The following TBC1D8 variants were observed in gnomAD, a reference collection of about 807,000 sequenced individuals.
TBC1D8 encodes TBC1 domain family member 8.
In TBC1D8, 65 loss-of-function variants were observed where a neutral mutation model predicts 118.8. That is an observed-to-expected ratio of 0.55 (90% confidence interval 0.45 to 0.67). TBC1D8 has a LOEUF of 0.67. TBC1D8 is among the 30% of genes least tolerant of loss of function. The probability of loss-of-function intolerance (pLI) is 0.00; values close to 1 mark genes in which losing one functional copy is unlikely to be tolerated. For synonymous variants in TBC1D8, 566 were observed against 595.8 expected (o/e 0.95, Z 0.73); for missense variants, 1,376 against 1,471.2 (o/e 0.94, Z 1.06).
intron 1 of TBC1D8, among the ~76,000 whole-genome samples, chr2:101,144,381 T>G (rs78560904): frequency 1.3e-5 from 2 of 152,188 alleles, no homozygotes; most frequent in East Asian, 3.9e-4. Context: ...TTCACAAGAA[T>G]TAGCCAGATG....
chr2:101,041,315 A>C (rs1681371992), intron 5 of TBC1D8, among the ~76,000 whole-genome samples: 1 of 152,230 alleles, frequency 6.6e-6, no homozygotes, highest in Non-Finnish European at 1.5e-5. Context: ...GATAAACAAA[A>C]TGTAGTGTAT....
Position 101,033,759 on chromosome 2 carries a change from C to G in TBC1D8, c.1604-1G>C. The G allele has an allele frequency of 6.2e-7, 1 of 1,610,750 alleles. No homozygotes were observed. The highest frequency in any genetic ancestry group is 8.5e-7 in the Non-Finnish European group (1 of 1,177,288). ...TGTGAGGCAAGATCCGTCACCGCATCTGAGTTTTAAAAGCAATGTTTCAAG... is the reference window on the plus strand; with the variant it reads ...TGTGAGGCAAGATCCGTCACCGCATGTGAGTTTTAAAAGCAATGTTTCAAG... On this transcript the variant is annotated splice_acceptor_variant, in intron 9 of 19. Coordinates refer to ENST00000409318, the MANE Select transcript of TBC1D8 (RefSeq NM_001330348.2). LOFTEE classifies it high-confidence loss of function.
intron 2 of TBC1D8, among the ~76,000 whole-genome samples, chr2:101,062,323 G>A (rs1682798908): frequency 1.3e-5 from 2 of 151,696 alleles, no homozygotes; most frequent in Admixed American, 1.3e-4. Flanking sequence ...AAAAACAAGT[G>A]AAGAATAAGC....
chr2:101,071,084 A>C (rs914711532), intron 2 of TBC1D8, among the ~76,000 whole-genome samples: 2 of 152,156 alleles, frequency 1.3e-5, no homozygotes, highest in Non-Finnish European at 1.5e-5. Flanking sequence ...TCATGCCTGT[A>C]ATCCCAGCAC....
In TBC1D8 at chr2:101,096,419, C is replaced by CAAAAAA. The variant is rs55824667; in HGVS notation, c.128-6061_128-6056dup. ...CCAAAATATTATGTCTGGCTTTTGA[C>CAAAAAA]AAAAAAAAAAAAAAAAAAAAAAAAA... On this transcript the variant is annotated intron_variant, in intron 1 of 19. Coordinates refer to ENST00000409318, the MANE Select transcript of TBC1D8 (RefSeq NM_001330348.2). Among the ~76,000 whole-genome samples the CAAAAAA allele has an allele frequency of 2.2e-3, 95 of 43,744 alleles. 19 individuals carry two copies. Among genetic ancestry groups the CAAAAAA allele is most frequent in the Non-Finnish European group, 3.0e-3 (72 of 23,804 alleles). The allele number at this position is 43,744 out of a possible 152,430, so 28.7% of individuals were successfully genotyped here. A position where few individuals can be genotyped will look rare whatever the true frequency, so the allele number is the denominator to read the frequency against.
rs144985500 is a variant in TBC1D8, at chr2:101,122,838, C to T, written c.127+28289G>A. ...CAGTTGAGAGCAGCACCACCGCGAG[C>T]CCTTCACATTGGTGTCAAACACTGA... On this transcript the variant is annotated intron_variant, in intron 1 of 19. Transcript: ENST00000409318. Among the ~76,000 whole-genome samples the T allele has an allele frequency of 3.0e-4, 46 of 152,144 alleles. No homozygotes were observed. In the East Asian group the frequency reaches 8.9e-3, roughly 29 times the overall value.
At chr2:101,070,292 C>A (rs559362265) in intron 2 of TBC1D8, among the ~76,000 whole-genome samples, 16 of 151,890 alleles carry the variant, frequency 1.1e-4, no homozygotes, top group Admixed American at 5.2e-4. Context: ...TTTTACATTA[C>A]CTAATTAGAA....
At chr2:101,018,204 ACT>A (rs1158146976) in intron 17 of TBC1D8, 13 of 321,154 alleles carry the variant, frequency 4.0e-5, no homozygotes, top group African/African-American at 2.7e-4. Flanking sequence ...AAATTATAAC[ACT>A]GACTAAACAT....
At chr2:101,115,016 G>A (rs1176661108) in intron 1 of TBC1D8, among the ~76,000 whole-genome samples, 2 of 152,208 alleles carry the variant, frequency 1.3e-5, no homozygotes, top group African/African-American at 2.4e-5. Context: ...CACAGAACCT[G>A]TCGCTTTCTC....
chr2:101,142,332 T>C (rs895985035), intron 1 of TBC1D8, among the ~76,000 whole-genome samples: 3 of 152,202 alleles, frequency 2.0e-5, no homozygotes, highest in Admixed American at 6.5e-5. Flanking sequence ...ATATACAGCA[T>C]GACAGAGAAA....
intron 1 of TBC1D8, among the ~76,000 whole-genome samples, chr2:101,136,064 T>C (rs1678842671): frequency 6.6e-6 from 1 of 152,126 alleles, no homozygotes; most frequent in Admixed American, 6.5e-5. Flanking sequence ...TTCACCATGT[T>C]GCCTAGGCTG....
intron 17 of TBC1D8, among the ~76,000 whole-genome samples, chr2:101,020,906 G>A (rs1224576862): frequency 3.3e-5 from 5 of 152,130 alleles, no homozygotes; most frequent in Admixed American, 2.6e-4. Context: ...TGAAAAAATC[G>A]AGTGTATATA....
At chr2:101,088,966 A>C (rs1337361234) in intron 2 of TBC1D8, among the ~76,000 whole-genome samples, 1 of 152,166 alleles carries the variant, frequency 6.6e-6, no homozygotes, top group Non-Finnish European at 1.5e-5. Context: ...CTGAAAAAAA[A>C]ATGCCAAGAT....
intron 6 of TBC1D8, 101 bp from the exon 7 acceptor site, chr2:101,038,756 A>T: frequency 7.6e-7 from 1 of 1,313,846 alleles, no homozygotes; most frequent in Non-Finnish European, 1.1e-6. Context: ...AGGCACAATC[A>T]CTGCAGAAAG....
chr2:101,030,229 A>C (rs1250714660), intron 11 of TBC1D8, among the ~76,000 whole-genome samples: 1 of 152,258 alleles, frequency 6.6e-6, no homozygotes, highest in Non-Finnish European at 1.5e-5. Context: ...CACCATTAAT[A>C]AAATGAAAAT....
At chr2:101,122,088 T>C (rs1263032219) in intron 1 of TBC1D8, among the ~76,000 whole-genome samples, 1 of 140,058 alleles carries the variant, frequency 7.1e-6, no homozygotes, top group Non-Finnish European at 1.6e-5. Context: ...TTTTTTTTTT[T>C]CTGAGATGGA....
At chr2:101,028,781 C>T (rs559920167) in intron 12 of TBC1D8, among the ~76,000 whole-genome samples, 1 of 152,298 alleles carries the variant, frequency 6.6e-6, no homozygotes, top group African/African-American at 2.4e-5. Flanking sequence ...AGCTCTGGCG[C>T]TCAACCTAGT....
Position 101,059,482 on chromosome 2 carries a change from TGGA to T in TBC1D8, c.338_340del (p.Leu113del). On this transcript the variant is annotated inframe_deletion, in exon 3 of 20. Transcript: ENST00000409318. Reference sequence around the variant, plus strand: ...TTTATTATCAAAGACAGACAAGGTGTGGAGGAGATTTTGTTCCAGCCAGTCCCA... The same window carrying T: ...TTTATTATCAAAGACAGACAAGGTGTGGAGATTTTGTTCCAGCCAGTCCCA... The T allele has an allele frequency of 6.2e-7, 1 of 1,613,946 alleles. No individual in the cohort carries two copies. The highest frequency in any genetic ancestry group is 8.5e-7 in the Non-Finnish European group (1 of 1,179,848).
chr2:101,018,049 C>G, intron 17 of TBC1D8: 1 of 980,144 alleles, frequency 1.0e-6, no homozygotes, highest in Non-Finnish European at 1.5e-6. Flanking sequence ...TTTTCACTGA[C>G]AAATGTAATG....
Sources: allele counts gnomAD v4.1 joint callset (sites outside exome capture counted in the v4.1 genomes callset), GRCh38; gene constraint gnomAD v4.1.1; transcripts MANE v1.5; gene names NCBI Gene and HGNC (gene_info 2026-07-23, HGNC 2026-07-21).